The following TMPRSS15 variants were observed in gnomAD, a reference collection of about 807,000 sequenced individuals.
TMPRSS15 encodes enteropeptidase.
Under a neutral mutation model 125.3 loss-of-function variants are expected in TMPRSS15, and 128 were observed. The observed-to-expected ratio is 1.02, with a 90% confidence interval of 0.89 to 1.18. The LOEUF (loss-of-function observed/expected upper bound fraction) is 1.18, where lower values mean the gene tolerates loss of function less well. Ranked by LOEUF, TMPRSS15 falls within the 50% of genes most tolerant of loss-of-function variation. The probability of loss-of-function intolerance (pLI) is 0.00; values close to 1 mark genes in which losing one functional copy is unlikely to be tolerated. For missense variants in TMPRSS15, 1,283 were observed against 1,212.7 expected (o/e 1.06, Z -0.86); for synonymous variants, 446 against 423.2 (o/e 1.05, Z -0.66).
At chr21:18,345,340 C>A (rs958187959) in intron 10 of TMPRSS15, among the ~76,000 whole-genome samples, 4 of 152,058 alleles carry the variant, frequency 2.6e-5, no homozygotes, top group Admixed American at 1.3e-4. Flanking sequence ...GGCCTAGATA[C>A]AGAAGAGAGG....
At chr21:18,369,915 TATTATCCCACAAATA>T (rs1489941263) in intron 6 of TMPRSS15, among the ~76,000 whole-genome samples, 1 of 147,320 alleles carries the variant, frequency 6.8e-6, no homozygotes, top group Non-Finnish European at 1.5e-5. Flanking sequence ...ATTTAAACAA[TATTATCCCACAAATA>T]ATTCGAATTT....
chr21:18,354,312 G>A (rs575407087), intron 8 of TMPRSS15, among the ~76,000 whole-genome samples: 4 of 151,724 alleles, frequency 2.6e-5, no homozygotes, highest in South Asian at 2.1e-4. Context: ...GGCTCTTTAC[G>A]CTTGTAACTA....
At chr21:18,415,421 T>G (rs2123180137) in intron 1 of TMPRSS15, among the ~76,000 whole-genome samples, 1 of 152,272 alleles carries the variant, frequency 6.6e-6, no homozygotes, top group Non-Finnish European at 1.5e-5. Flanking sequence ...TCAAGAAATC[T>G]TTGCCAAGAC....
chr21:18,270,747 T>TAATC (rs2074545145), intron 24 of TMPRSS15, among the ~76,000 whole-genome samples: 1 of 152,208 alleles, frequency 6.6e-6, no homozygotes, highest in Non-Finnish European at 1.5e-5. Flanking sequence ...TTATGAATAT[T>TAATC]AATCACAGCA....
At chr21:18,285,957 G>A (rs1258745889) in intron 21 of TMPRSS15, among the ~76,000 whole-genome samples, 1 of 152,186 alleles carries the variant, frequency 6.6e-6, no homozygotes, top group Non-Finnish European at 1.5e-5. Flanking sequence ...TTAATTTTAA[G>A]TAGAAATCTG....
chr21:18,383,865 CT>C, intron 3 of TMPRSS15, 87 bp from the exon 4 acceptor site: 5 of 1,459,870 alleles, frequency 3.4e-6, no homozygotes, highest in Non-Finnish European at 4.7e-6. Context: ...CTTTGAAATT[CT>C]CTATAGTTAT....
At chr21:18,484,593 A>T (rs954714265) in intron 1 of TMPRSS15, among the ~76,000 whole-genome samples, 2 of 151,756 alleles carry the variant, frequency 1.3e-5, no homozygotes, top group African/African-American at 4.8e-5. Flanking sequence ...ATATATGCAG[A>T]CTAGCATACT....
chr21:18,401,761 A>G (rs1300832581), intron 1 of TMPRSS15, among the ~76,000 whole-genome samples: 1 of 152,204 alleles, frequency 6.6e-6, no homozygotes, highest in Non-Finnish European at 1.5e-5. Flanking sequence ...AAATAGCAGT[A>G]TGCATTATGA....
intron 1 of TMPRSS15, among the ~76,000 whole-genome samples, chr21:18,430,091 TAGCATC>T: frequency 6.6e-6 from 1 of 152,322 alleles, no homozygotes; most frequent in Non-Finnish European, 1.5e-5. Context: ...TTCACAATGT[TAGCATC>T]AGTCTTTGTG....
At chr21:18,384,971 A>T (rs891653709) in intron 3 of TMPRSS15, among the ~76,000 whole-genome samples, 7 of 152,186 alleles carry the variant, frequency 4.6e-5, no homozygotes, top group African/African-American at 1.7e-4. Context: ...GTAGATCAGC[A>T]TCTCCACTAG....
At chr21:18,437,149 A>G (rs1269780212) in intron 1 of TMPRSS15, among the ~76,000 whole-genome samples, 3 of 149,908 alleles carry the variant, frequency 2.0e-5, no homozygotes, top group Non-Finnish European at 4.4e-5. Context: ...GGAACAGAAC[A>G]GAGCCCTCAG....
At chr21:18,338,892 A>T (rs927201057) in intron 13 of TMPRSS15, among the ~76,000 whole-genome samples, 1 of 152,158 alleles carries the variant, frequency 6.6e-6, no homozygotes, top group Non-Finnish European at 1.5e-5. Context: ...TTTTATGACC[A>T]ATATTATTCC....
chr21:18,332,493 C>A (rs937100159), intron 13 of TMPRSS15, among the ~76,000 whole-genome samples: 3 of 151,846 alleles, frequency 2.0e-5, no homozygotes, highest in African/African-American at 2.4e-5. Flanking sequence ...AATTTAAGTT[C>A]TTTATAGAAG....
intron 1 of TMPRSS15, among the ~76,000 whole-genome samples, chr21:18,450,239 A>G (rs969927838): frequency 6.6e-6 from 1 of 152,106 alleles, no homozygotes; most frequent in Non-Finnish European, 1.5e-5. Flanking sequence ...CAGATGAAGT[A>G]GCATGCAAAT....
intron 18 of TMPRSS15, among the ~76,000 whole-genome samples, chr21:18,305,721 T>C (rs1406244181): frequency 6.6e-6 from 1 of 152,212 alleles, no homozygotes; most frequent in Non-Finnish European, 1.5e-5. Context: ...GACATAATTA[T>C]CTTATCACTG....
chr21:18,358,734 A>G (rs1354519383), intron 8 of TMPRSS15, among the ~76,000 whole-genome samples: 1 of 152,034 alleles, frequency 6.6e-6, no homozygotes, highest in Non-Finnish European at 1.5e-5. Context: ...TGTAAAACAT[A>G]TTTTGCAGGT....
At chr21:18,380,337 T>C (rs1176984723) in intron 4 of TMPRSS15, among the ~76,000 whole-genome samples, 1 of 152,100 alleles carries the variant, frequency 6.6e-6, no homozygotes, top group East Asian at 1.9e-4. Context: ...ATTGGAAATG[T>C]ATATCCTTGG....
At position 18,297,717 on chromosome 21, in the gene TMPRSS15, C is replaced by G. The variant is rs1341999178; in HGVS notation, c.2261+17G>C. On this transcript the variant is annotated intron_variant, in intron 19 of 24. Coordinates refer to ENST00000284885, the MANE Select transcript of TMPRSS15 (RefSeq NM_002772.3). Reference sequence around the variant, plus strand: ...TGTCTATGTACAACTAGTCTAAGAACAGATTTAGGGACCCACCTGGGTGTT... The same window carrying G: ...TGTCTATGTACAACTAGTCTAAGAAGAGATTTAGGGACCCACCTGGGTGTT... The G allele has an allele frequency of 3.8e-6, 6 of 1,596,094 alleles. No individual in the cohort carries two copies. Among genetic ancestry groups the G allele is most frequent in the Non-Finnish European group, 4.3e-6 (5 of 1,163,716 alleles).
intron 21 of TMPRSS15, among the ~76,000 whole-genome samples, chr21:18,291,494 G>A (rs2074833203): frequency 6.6e-6 from 1 of 152,144 alleles, no homozygotes; most frequent in African/African-American, 2.4e-5. Context: ...CCACCTGCAG[G>A]TTAAAATACC....
Sources: gnomAD v4.1 joint callset for allele counts (sites outside exome capture counted in the v4.1 genomes callset) on GRCh38, gnomAD v4.1.1 for gene constraint, MANE v1.5 for transcripts, NCBI Gene and HGNC (gene_info 2026-07-23, HGNC 2026-07-21) for gene names.